Variants in ANO3 observed in about 807,000 individuals in gnomAD.
ANO3 encodes anoctamin-3.
A neutral mutation model predicts 144.8 loss-of-function variants in ANO3; 99 were observed. That is an observed-to-expected ratio of 0.68 (90% CI 0.58 to 0.81). The LOEUF is 0.81. Among genes scored for constraint, ANO3 ranks in the 30% least tolerant of loss-of-function variants. The pLI, the probability that ANO3 is intolerant of heterozygous loss-of-function variation, is 0.00. For synonymous variants in ANO3, 414 were observed against 392.6 expected (o/e 1.05, Z -0.64); for missense variants, 905 against 1,202.2 (o/e 0.75, Z 3.66).
intron 4 of ANO3, among the ~76,000 whole-genome samples, chr11:26,486,649 C>G (rs950198517): frequency 6.6e-6 from 1 of 152,190 alleles, no homozygotes; most frequent in African/African-American, 2.4e-5. Flanking sequence ...CTTACCCTGA[C>G]ATGAGATCTT....
At chr11:26,397,224 A>C (rs538794851) in intron 1 of ANO3, among the ~76,000 whole-genome samples, 1 of 151,600 alleles carries the variant, frequency 6.6e-6, no homozygotes, top group Non-Finnish European at 1.5e-5. Context: ...GTACTTAAGT[A>C]CTTTGAACCT....
chr11:26,395,657 T>G (rs545712065), intron 1 of ANO3, among the ~76,000 whole-genome samples: 41 of 152,286 alleles, frequency 2.7e-4, no homozygotes, highest in Middle Eastern at 6.8e-3. Flanking sequence ...TACAACCATC[T>G]GATCTTTGAC....
In ANO3 at chr11:26,659,508, AT is replaced by A. The variant is rs1482113452; in HGVS notation, c.2764-753del. 3.3e-5 allele frequency among the ~76,000 whole-genome samples: 5 copies of A among 152,114 alleles called. No individual in the cohort carries two copies. In the East Asian group the frequency reaches 9.7e-4, roughly 30 times the overall value. ...CAGGAGCTCGAGGCCAGTCTAGGCA[AT>A]GTGGTGAGACCTCATATCTACAAAT... On this transcript the variant is annotated intron_variant, in intron 26 of 26. Transcript: ENST00000256737.
intron 4 of ANO3, among the ~76,000 whole-genome samples, chr11:26,486,899 G>A (rs1292580397): frequency 6.6e-6 from 1 of 152,182 alleles, no homozygotes; most frequent in African/African-American, 2.4e-5. Flanking sequence ...AGGAAGAAAG[G>A]TAGCATTAAC....
chr11:26,197,672 T>A (rs538128656), intron 1 of ANO3, among the ~76,000 whole-genome samples: 6 of 152,180 alleles, frequency 3.9e-5, no homozygotes, highest in African/African-American at 1.2e-4. Flanking sequence ...AATTTCAGAC[T>A]TTCATCTCCT....
intron 1 of ANO3, among the ~76,000 whole-genome samples, chr11:26,369,638 T>C (rs1856193779): frequency 6.6e-6 from 1 of 152,228 alleles, no homozygotes; most frequent in Admixed American, 6.5e-5. Context: ...CATGGTCTGA[T>C]TTTGTTAACA....
chr11:26,378,939 A>G (rs1320611777), intron 1 of ANO3, among the ~76,000 whole-genome samples: 1 of 147,828 alleles, frequency 6.8e-6, no homozygotes, highest in African/African-American at 2.5e-5. Context: ...CTCATTGGAT[A>G]TACTTTGAAC....
chr11:26,550,099 T>A (rs1004048298), intron 12 of ANO3, among the ~76,000 whole-genome samples: 2 of 151,822 alleles, frequency 1.3e-5, no homozygotes, highest in Non-Finnish European at 2.9e-5. Flanking sequence ...GCAATATATC[T>A]AGTAAGTGGT....
intron 14 of ANO3, among the ~76,000 whole-genome samples, chr11:26,591,111 A>T (rs1263566353): frequency 6.6e-6 from 1 of 152,090 alleles, no homozygotes; most frequent in Non-Finnish European, 1.5e-5. Context: ...GAGGTGAGTT[A>T]CAAGCCCCGT....
chr11:26,388,462 T>C (rs972984128), intron 1 of ANO3, among the ~76,000 whole-genome samples: 2 of 152,156 alleles, frequency 1.3e-5, no homozygotes, highest in Admixed American at 6.6e-5. Flanking sequence ...ACAACTTTAT[T>C]AGAAATCTTT....
intron 4 of ANO3, among the ~76,000 whole-genome samples, chr11:26,488,909 G>C (rs1254310210): frequency 6.6e-6 from 1 of 152,184 alleles, no homozygotes; most frequent in Non-Finnish European, 1.5e-5. Flanking sequence ...CCATTTTACA[G>C]AGTGCTGATT....
At chr11:26,371,558 G>C (rs1257963573) in intron 1 of ANO3, among the ~76,000 whole-genome samples, 5 of 152,174 alleles carry the variant, frequency 3.3e-5, no homozygotes, top group Non-Finnish European at 7.3e-5. Context: ...CATGCACCTG[G>C]AAGAGCCGCA....
chr11:26,460,564 G>T, intron 3 of ANO3, among the ~76,000 whole-genome samples: 1 of 152,016 alleles, frequency 6.6e-6, no homozygotes, highest in East Asian at 1.9e-4. Context: ...GCGCTGTAGG[G>T]TAGGGGAAAA....
chr11:26,366,613 A>T (rs1856093193), intron 1 of ANO3, among the ~76,000 whole-genome samples: 1 of 152,058 alleles, frequency 6.6e-6, no homozygotes, highest in African/African-American at 2.4e-5. Context: ...AAGTGTTCCT[A>T]CTTCTCCACA....
At chr11:26,255,819 G>A (rs534891112) in intron 1 of ANO3, among the ~76,000 whole-genome samples, 28 of 152,196 alleles carry the variant, frequency 1.8e-4, no homozygotes, top group East Asian at 9.6e-4. Flanking sequence ...TATCTAAGCC[G>A]TGATGACAAA....
intron 13 of ANO3, among the ~76,000 whole-genome samples, chr11:26,556,808 A>G (rs376560531): frequency 7.0e-4 from 106 of 152,308 alleles, no homozygotes; most frequent in African/African-American, 2.5e-3. Flanking sequence ...CCTGCCCTCC[A>G]AGTCTCCAGT....
chr11:26,659,142 T>C (rs9737397), intron 26 of ANO3, among the ~76,000 whole-genome samples: 27,093 of 150,732 alleles, frequency 0.18, 2,584 homozygotes, highest in South Asian at 0.24. Context: ...ATGTATATTG[T>C]GTATGTGTAT....
chr11:26,581,889 C>T (rs2132860081), intron 14 of ANO3, among the ~76,000 whole-genome samples: 1 of 152,064 alleles, frequency 6.6e-6, no homozygotes, highest in African/African-American at 2.4e-5. Context: ...CAGGGGAAAC[C>T]AAGACAAAGT....
At chr11:26,535,534 C>T in intron 9 of ANO3, among the ~76,000 whole-genome samples, 1 of 137,044 alleles carries the variant, frequency 7.3e-6, no homozygotes, top group Non-Finnish European at 1.5e-5. Context: ...AAATTGAGTG[C>T]TATATAGGTA....
Sources: allele counts gnomAD v4.1 joint callset (sites outside exome capture counted in the v4.1 genomes callset), GRCh38; gene constraint gnomAD v4.1.1; transcripts MANE v1.5; gene names NCBI Gene and HGNC (gene_info 2026-07-23, HGNC 2026-07-21).